The following SLC14A2 variants were observed in gnomAD, a reference collection of about 807,000 sequenced individuals.
The protein encoded by SLC14A2 is urea transporter 2.
Under a neutral mutation model 104.6 loss-of-function variants are expected in SLC14A2, and 91 were observed. That is an observed-to-expected ratio of 0.87 (90% confidence interval 0.73 to 1.04). The LOEUF (loss-of-function observed/expected upper bound fraction) is 1.04, where lower values mean the gene tolerates loss of function less well. Among genes scored for constraint, SLC14A2 ranks in the 50% least tolerant of loss-of-function variants. The pLI, the probability that SLC14A2 is intolerant of heterozygous loss-of-function variation, is 0.00. For missense variants in SLC14A2, 1,189 were observed against 1,156.0 expected, an observed-to-expected ratio of 1.03 and a Z score of -0.41; for synonymous variants, 476 against 466.4, an observed-to-expected ratio of 1.02 and a Z score of -0.27.
intron 1 of SLC14A2, among the ~76,000 whole-genome samples, chr18:45,264,550 C>T (rs961318206): frequency 9.2e-5 from 14 of 152,114 alleles, no homozygotes; most frequent in Admixed American, 7.2e-4. Flanking sequence ...TTAATGGACT[C>T]ACAGTTCCAC....
chr18:45,327,596 A>T (rs552207646), intron 1 of SLC14A2, among the ~76,000 whole-genome samples: 47 of 152,276 alleles, frequency 3.1e-4, no homozygotes, highest in African/African-American at 1.1e-3. Context: ...TATGAATTTG[A>T]CTACTCTAGG....
chr18:45,174,921 T>C, the SLC14A2 span, among the ~76,000 whole-genome samples: 1 of 152,124 alleles, frequency 6.6e-6, no homozygotes. Flanking sequence ...CACACTGCAA[T>C]CCCATTTTTT....
chr18:45,168,909 G>A, the SLC14A2 span: 2 of 152,080 alleles, frequency 1.3e-5, no homozygotes, highest in Non-Finnish European at 2.9e-5. Context: ...GTGTCAAATG[G>A]TGCATAAAGG....
At chr18:45,674,768 G>A (rs2046199814) in intron 18 of SLC14A2, among the ~76,000 whole-genome samples, 1 of 152,192 alleles carries the variant, frequency 6.6e-6, no homozygotes, top group Non-Finnish European at 1.5e-5. Flanking sequence ...GAAAAGTTGT[G>A]TCAAAGAGCA....
intron 4 of SLC14A2, among the ~76,000 whole-genome samples, chr18:45,627,834 A>AC (rs576885011): frequency 2.0e-4 from 31 of 151,974 alleles, no homozygotes; most frequent in African/African-American, 7.5e-4. Flanking sequence ...ACATGGTGAA[A>AC]CCCCGTCTCT....
At chr18:45,390,934 G>A (rs1158324442) in intron 1 of SLC14A2, among the ~76,000 whole-genome samples, 4 of 152,078 alleles carry the variant, frequency 2.6e-5, no homozygotes, top group Non-Finnish European at 5.9e-5. Context: ...GATGTTTTAT[G>A]TTTTTTTATT....
intron 2 of SLC14A2, chr18:45,528,191 G>C (rs926645700): frequency 2.1e-5 from 3 of 146,208 alleles, no homozygotes; most frequent in East Asian, 2.1e-4. Flanking sequence ...GCGGGGGGGG[G>C]GGGGGGTGTC....
chr18:45,212,342 C>A (rs147808305), upstream of SLC14A2, among the ~76,000 whole-genome samples: 1,102 of 152,306 alleles, frequency 7.2e-3, no homozygotes, highest in Non-Finnish European at 0.012. Context: ...TGAAGCTTAG[C>A]AGAACTGGAT....
intron 8 of SLC14A2, among the ~76,000 whole-genome samples, chr18:45,641,782 G>A (rs565844191): frequency 1.4e-4 from 21 of 152,258 alleles, no homozygotes; most frequent in African/African-American, 4.3e-4. Flanking sequence ...AGGCTGCAGC[G>A]TCCACAAAGG....
At chr18:45,204,692 GA>G in the SLC14A2 span, among the ~76,000 whole-genome samples, 2 of 152,050 alleles carry the variant, frequency 1.3e-5, no homozygotes, top group African/African-American at 4.8e-5. Context: ...TTAACTGGCT[GA>G]TGTCAAGGGA....
chr18:45,425,635 G>A (rs541221565), intron 1 of SLC14A2, among the ~76,000 whole-genome samples: 1 of 152,256 alleles, frequency 6.6e-6, no homozygotes, highest in African/African-American at 2.4e-5. Flanking sequence ...GATTCACTCT[G>A]CTGCTAAGGA....
intron 2 of SLC14A2, among the ~76,000 whole-genome samples, chr18:45,549,474 T>G (rs2044023627): frequency 6.6e-6 from 1 of 152,204 alleles, no homozygotes; most frequent in Non-Finnish European, 1.5e-5. Context: ...GACAGCTTGT[T>G]CAAGCGCACT....
chr18:45,281,885 AGCTCAGTG>A (rs956609063), intron 1 of SLC14A2, among the ~76,000 whole-genome samples: 2 of 152,154 alleles, frequency 1.3e-5, no homozygotes, highest in Non-Finnish European at 2.9e-5. Context: ...TGTTCACCAG[AGCTCAGTG>A]GCTCAGTCTC....
At chr18:45,393,164 T>A (rs1284745934) in intron 1 of SLC14A2, among the ~76,000 whole-genome samples, 2 of 152,108 alleles carry the variant, frequency 1.3e-5, no homozygotes, top group African/African-American at 4.8e-5. Context: ...GACAAAAAGC[T>A]TATCCCAAAG....
At position 45,591,399 on chromosome 18, in the gene SLC14A2, G is replaced by A. The variant is rs189851508; in HGVS notation, c.-34-33232G>A. 6.6e-5 allele frequency among the ~76,000 whole-genome samples: 10 copies of A among 152,198 alleles called. No homozygotes were observed. The East Asian group carries it at 7.7e-4, about 12-fold the overall frequency. On this transcript the variant is annotated intron_variant, in intron 2 of 20. Transcript: ENST00000586448. ...TGCCCAGGCTGGAGTGCAGTGGTGC[G>A]ATCTCAGCTCACTGCAACTTCCGCC...
At chr18:45,270,781 T>G (rs2084643399) in intron 1 of SLC14A2, among the ~76,000 whole-genome samples, 1 of 152,066 alleles carries the variant, frequency 6.6e-6, no homozygotes, top group African/African-American at 2.4e-5. Flanking sequence ...AAAATCAGAT[T>G]CAGGTAAAGA....
At chr18:45,221,459 G>A (rs2084061448) in intron 1 of SLC14A2, among the ~76,000 whole-genome samples, 1 of 152,172 alleles carries the variant, frequency 6.6e-6, no homozygotes, top group Admixed American at 6.5e-5. Context: ...CACTTTGATT[G>A]GTCCAGAATC....
chr18:45,479,556 C>G (rs749096043), intron 1 of SLC14A2, among the ~76,000 whole-genome samples: 3 of 152,160 alleles, frequency 2.0e-5, no homozygotes, highest in Non-Finnish European at 4.4e-5. Flanking sequence ...CTCTCACTCA[C>G]TATCTGTGCC....
intron 1 of SLC14A2, among the ~76,000 whole-genome samples, chr18:45,466,726 G>A (rs2087149737): frequency 1.3e-5 from 2 of 151,650 alleles, no homozygotes. Context: ...AAAAGAGAGA[G>A]TTAAATTCGG....
Sources: gnomAD v4.1 joint callset for allele counts (sites outside exome capture counted in the v4.1 genomes callset) on GRCh38, gnomAD v4.1.1 for gene constraint, MANE v1.5 for transcripts, NCBI Gene and HGNC (gene_info 2026-07-23, HGNC 2026-07-21) for gene names.